Variants in RPTOR observed in about 807,000 individuals in gnomAD.
The protein encoded by RPTOR is regulatory-associated protein of mTOR.
A neutral mutation model predicts 169.9 loss-of-function variants in RPTOR; 21 were observed. The ratio of observed to expected loss-of-function variants is 0.12; its 90% CI spans 0.09 to 0.18. RPTOR has a LOEUF of 0.18. Ranked by LOEUF, RPTOR falls within the 10% of genes least tolerant of loss-of-function variation. The probability of loss-of-function intolerance (pLI) is 1.00; values close to 1 mark genes in which losing one functional copy is unlikely to be tolerated. For synonymous variants in RPTOR, 732 were observed against 753.2 expected (o/e 0.97, Z 0.46); for missense variants, 1,133 against 1,855.9 (o/e 0.61, Z 7.16).
At chr17:80,858,006 C>T (rs940029736) in intron 13 of RPTOR, 106 bp downstream of exon 13, 3 of 857,192 alleles carry the variant, frequency 3.5e-6, no homozygotes, top group East Asian at 2.6e-5. Context: ...CTCGCTCCCT[C>T]TCCAGGCACC....
chr17:80,765,208 G>C (rs911869387), intron 6 of RPTOR, among the ~76,000 whole-genome samples: 1 of 152,116 alleles, frequency 6.6e-6, no homozygotes, highest in African/African-American at 2.4e-5. Flanking sequence ...TGCCAGTGTG[G>C]GAGGGGGCGT....
chr17:80,900,545 A>C (rs988417639), intron 20 of RPTOR, among the ~76,000 whole-genome samples: 2 of 151,980 alleles, frequency 1.3e-5, no homozygotes, highest in African/African-American at 4.8e-5. Context: ...CGAACTTCCA[A>C]CCTCGGGTGA....
chr17:80,660,690 A>C (rs1331350415), intron 3 of RPTOR, among the ~76,000 whole-genome samples: 1 of 152,156 alleles, frequency 6.6e-6, no homozygotes, highest in Admixed American at 6.5e-5. Context: ...CTGGCAACAC[A>C]GGCGGTCCCA....
Position 80,730,722 on chromosome 17 carries a change from C to T in RPTOR, c.654+16C>T, listed in dbSNP as rs765267027. ...GGAGCTGGAGGTGAGCGCTCTGGTG[C>T]TTGGAGAGCGGTGCTGGGTTTGGTT... On this transcript the variant is annotated intron_variant, in intron 5 of 33. Coordinates refer to ENST00000306801, the MANE Select transcript of RPTOR (RefSeq NM_020761.3). This position sits in a 1 kb window ranked among gnomAD's most constrained non-coding sequence, Gnocchi z 4.2. 3.8e-6 allele frequency: 5 copies of T among 1,315,308 alleles called. No individual in the cohort carries two copies. Among genetic ancestry groups the T allele is most frequent in the South Asian group, 2.3e-5 (2 of 86,148 alleles). 81.5% of individuals were successfully genotyped at this position (1,315,308 alleles called of 1,614,324 possible).
chr17:80,855,444 T>C lies in RPTOR; in HGVS notation c.1315-20T>C, dbSNP rs2143744258. 6.3e-7 allele frequency: 1 copy of C among 1,597,112 alleles called. No individual in the cohort carries two copies. The highest frequency in any genetic ancestry group is 8.6e-7 in the Non-Finnish European group (1 of 1,164,610). ...ACCAGTATGGTTTGCAGTGATACCA[T>C]TTTCTTCTTGTTCTTCCAGGTGCTG... On this transcript the variant is annotated intron_variant, in intron 11 of 33. Transcript: ENST00000306801.
rs1227095897 is a variant in RPTOR at position 80,555,679 on chromosome 17, A to G, written c.162+9888A>G. Reference sequence around the variant, plus strand: ...TTATTACGGGGAGCATCTTGATTTAATATTAAATAAGTAAATCATTTGCAT... The same window carrying G: ...TTATTACGGGGAGCATCTTGATTTAGTATTAAATAAGTAAATCATTTGCAT... On this transcript the variant is annotated intron_variant, in intron 1 of 33. Coordinates refer to ENST00000306801, the MANE Select transcript of RPTOR (RefSeq NM_020761.3). 3.9e-5 allele frequency among the ~76,000 whole-genome samples: 6 copies of G among 152,366 alleles called. No individual in the cohort carries two copies. The East Asian group carries it at 9.6e-4, about 24-fold the overall frequency.
chr17:80,863,438 G>A (rs1054378287), intron 13 of RPTOR, among the ~76,000 whole-genome samples: 1 of 152,200 alleles, frequency 6.6e-6, no homozygotes, highest in Non-Finnish European at 1.5e-5. Flanking sequence ...ACTGCTGCAG[G>A]TGTTATCATT....
intron 1 of RPTOR, among the ~76,000 whole-genome samples, chr17:80,584,104 G>A (rs1033927359): frequency 1.3e-5 from 2 of 152,212 alleles, no homozygotes; most frequent in African/African-American, 2.4e-5. Context: ...CAGGCAGTGC[G>A]GGCTGAGCCA....
chr17:80,807,548 C>T (rs941390046), intron 7 of RPTOR, among the ~76,000 whole-genome samples: 1 of 152,190 alleles, frequency 6.6e-6, no homozygotes, highest in South Asian at 2.1e-4. Flanking sequence ...GACAGGGTTT[C>T]ACCATGTTGG....
chr17:80,627,293 T>G (rs2143538707), intron 2 of RPTOR, among the ~76,000 whole-genome samples: 1 of 152,368 alleles, frequency 6.6e-6, no homozygotes, highest in East Asian at 1.9e-4. Context: ...GTGCTGGGAT[T>G]ACAGGCGTGA....
At chr17:80,622,448 G>A (rs979000576) in intron 1 of RPTOR, among the ~76,000 whole-genome samples, 1 of 152,218 alleles carries the variant, frequency 6.6e-6, no homozygotes, top group Non-Finnish European at 1.5e-5. Flanking sequence ...ATTAAATACA[G>A]TGACTTTTGT....
chr17:80,906,331 G>A (rs903162046), intron 20 of RPTOR, among the ~76,000 whole-genome samples: 3 of 152,084 alleles, frequency 2.0e-5, no homozygotes, highest in Non-Finnish European at 2.9e-5. Flanking sequence ...AGTCTGGACC[G>A]ATTTTACATT....
intron 3 of RPTOR, among the ~76,000 whole-genome samples, chr17:80,696,434 G>A (rs534873354): frequency 6.6e-6 from 1 of 152,268 alleles, no homozygotes; most frequent in Non-Finnish European, 1.5e-5. Flanking sequence ...TGGGATAGTG[G>A]AGCTCGGCTT....
At position 80,713,601 on chromosome 17, in the gene RPTOR, G is replaced by C. The variant is rs181899754; in HGVS notation, c.507+5602G>C. On this transcript the variant is annotated intron_variant, in intron 4 of 33. Transcript: ENST00000306801. ...TTAAATACAAAGACATATGAAGTTT[G>C]AGAGTAAAAGAAAGGGAAACGATAT... Among the ~76,000 whole-genome samples, 340 of 152,286 alleles carry C rather than the reference G, an allele frequency of 2.2e-3. No homozygotes were observed. The South Asian group carries it at 0.025, about 11-fold the overall frequency.
intron 6 of RPTOR, among the ~76,000 whole-genome samples, chr17:80,755,632 A>C (rs1049997446): frequency 6.7e-6 from 1 of 149,786 alleles, no homozygotes; most frequent in Admixed American, 6.7e-5. Flanking sequence ...CCAGCCACTT[A>C]GGAGGCTGAG....
At chr17:80,801,916 G>C (rs368586878) in intron 7 of RPTOR, 33 of 152,334 alleles carry the variant, frequency 2.2e-4, no homozygotes, top group African/African-American at 7.9e-4. Flanking sequence ...GCCACGCCAG[G>C]GCGCACGGTG....
intron 28 of RPTOR, among the ~76,000 whole-genome samples, chr17:80,954,016 T>G (rs2069216792): frequency 6.6e-6 from 1 of 152,238 alleles, no homozygotes; most frequent in African/African-American, 2.4e-5. Context: ...TGTTTGTTTT[T>G]GAGATGGGGT....
intron 13 of RPTOR, among the ~76,000 whole-genome samples, chr17:80,877,861 G>A (rs1054273060): frequency 1.1e-4 from 17 of 152,156 alleles, no homozygotes; most frequent in South Asian, 2.1e-4. Flanking sequence ...GCTCCCCATC[G>A]TGCTCAGCTC....
At chr17:80,918,910 A>G (rs2068712519) in intron 21 of RPTOR, among the ~76,000 whole-genome samples, 1 of 152,096 alleles carries the variant, frequency 6.6e-6, no homozygotes, top group Non-Finnish European at 1.5e-5. Context: ...CTATGTCGCC[A>G]TCAGCTCCTT....
Sources: gnomAD v4.1 joint callset for allele counts (sites outside exome capture counted in the v4.1 genomes callset) on GRCh38, gnomAD v4.1.1 for gene constraint, Gnocchi (gnomAD v3.1) non-coding constraint, MANE v1.5 for transcripts, NCBI Gene and HGNC (gene_info 2026-07-23, HGNC 2026-07-21) for gene names.